The following PDE12 variants were observed in gnomAD, a reference collection of about 807,000 sequenced individuals.
PDE12 encodes 2',5'-phosphodiesterase 12.
A neutral mutation model predicts 45.4 loss-of-function variants in PDE12; 26 were observed. The ratio of observed to expected loss-of-function variants is 0.57; its 90% CI spans 0.42 to 0.79. PDE12 has a LOEUF of 0.79. PDE12 is among the 30% of genes least tolerant of loss of function. The pLI is 0.00. For synonymous variants in PDE12, 283 were observed against 323.9 expected, an observed-to-expected ratio of 0.87 and a Z score of 1.36; for missense variants, 668 against 790.0, an observed-to-expected ratio of 0.85 and a Z score of 1.85.
the PDE12 span, among the ~76,000 whole-genome samples, chr3:57,580,774 CTTT>C: frequency 7.1e-6 from 1 of 140,740 alleles, no homozygotes. Context: ...CATTTTTATT[CTTT>C]TTTTTTTTTT....
chr3:57,579,211 G>A, the PDE12 span, among the ~76,000 whole-genome samples: 5 of 112,522 alleles, frequency 4.4e-5, no homozygotes, highest in East Asian at 6.2e-4. Context: ...CCGAGATGGC[G>A]CCATTGCACT....
At chr3:57,638,066 G>A in the PDE12 span, among the ~76,000 whole-genome samples, 3 of 151,840 alleles carry the variant, frequency 2.0e-5, no homozygotes, top group East Asian at 1.9e-4. Flanking sequence ...CCCAGGAGGC[G>A]AAGGTTGCAG....
chr3:57,620,728 T>C, the PDE12 span, among the ~76,000 whole-genome samples: 2 of 152,170 alleles, frequency 1.3e-5, no homozygotes, highest in Admixed American at 1.3e-4. Context: ...AAAAATATCA[T>C]TTGCAACATC....
At chr3:57,600,437 CCCTT>C in the PDE12 span, among the ~76,000 whole-genome samples, 1 of 148,978 alleles carries the variant, frequency 6.7e-6, no homozygotes, top group African/African-American at 2.5e-5. Flanking sequence ...CTTTTCCCCT[CCCTT>C]CCCCCTTCTG....
the PDE12 span, among the ~76,000 whole-genome samples, chr3:57,635,110 C>T: frequency 3.9e-5 from 6 of 152,076 alleles, no homozygotes; most frequent in Non-Finnish European, 8.8e-5. Flanking sequence ...AATTTAGATG[C>T]TGAATAGGAA....
the PDE12 span, chr3:57,577,261 G>A: frequency 6.9e-7 from 1 of 1,444,912 alleles, no homozygotes; most frequent in Non-Finnish European, 9.7e-7. Flanking sequence ...ACCACCACCA[G>A]TTTAATCCAG....
the PDE12 span, chr3:57,597,481 CG>C: frequency 5.0e-6 from 1 of 199,656 alleles, no homozygotes; most frequent in Non-Finnish European, 1.0e-5. Context: ...CCTGCGCTTC[CG>C]GTGCGCCCGA....
chr3:57,556,843 A>G lies in PDE12; in HGVS notation c.464A>G (p.Tyr155Cys). 1 of 1,614,030 alleles carries G rather than the reference A, an allele frequency of 6.2e-7. No individual in the cohort carries two copies. Among genetic ancestry groups the G allele is most frequent in the South Asian group, 1.1e-5 (1 of 91,088 alleles). The change falls in exon 1 of 3, where the codon TAC (tyrosine) becomes TGC (cysteine). Residue 155 changes from tyrosine to cysteine, a missense_variant. Coordinates refer to ENST00000311180, the MANE Select transcript of PDE12 (RefSeq NM_177966.7). This position sits in a 1 kb window ranked among gnomAD's most constrained non-coding sequence, Gnocchi z 5.0. ...GAVLQIGDVK[Y>C]KVERNPPAFT... ...GTGCTGCAGATCGGCGATGTTAAGT[A>G]CAAGGTGGAGCGCAACCCGCCCGCC... is the stretch of plus-strand genomic sequence containing the variant.
the PDE12 span, among the ~76,000 whole-genome samples, chr3:57,612,767 C>A: frequency 2.7e-5 from 3 of 110,578 alleles, no homozygotes; most frequent in African/African-American, 3.1e-5. Flanking sequence ...GAGAGTCCAC[C>A]TCAAAAAAAA....
the PDE12 span, chr3:57,631,311 C>CT: frequency 1.1e-3 from 226 of 199,908 alleles, no homozygotes; most frequent in African/African-American, 5.1e-3. Flanking sequence ...ATTCTCCCGC[C>CT]TCAGTCTCCC....
chr3:57,587,599 A>C, the PDE12 span, among the ~76,000 whole-genome samples: 2 of 152,064 alleles, frequency 1.3e-5, no homozygotes, highest in African/African-American at 4.8e-5. Flanking sequence ...TTTTTTAATT[A>C]AAATGTTGGG....
chr3:57,570,045 C>G (rs2069822239), downstream of PDE12, among the ~76,000 whole-genome samples: 1 of 151,882 alleles, frequency 6.6e-6, no homozygotes, highest in Admixed American at 6.6e-5. Flanking sequence ...AACAATTATA[C>G]TATAGTTCAG....
the PDE12 span, among the ~76,000 whole-genome samples, chr3:57,582,759 A>AC: frequency 7.2e-6 from 1 of 139,444 alleles, no homozygotes; most frequent in Non-Finnish European, 1.6e-5. Flanking sequence ...AAAATTATTA[A>AC]GTAATAAAAA....
At chr3:57,592,566 AACT>A in the PDE12 span, among the ~76,000 whole-genome samples, 1 of 152,166 alleles carries the variant, frequency 6.6e-6, no homozygotes, top group South Asian at 2.1e-4. Flanking sequence ...GAAAAATGTG[AACT>A]TAGGTTCTGC....
the PDE12 span, among the ~76,000 whole-genome samples, chr3:57,581,456 A>C: frequency 6.6e-6 from 1 of 152,220 alleles, no homozygotes; most frequent in Non-Finnish European, 1.5e-5. Flanking sequence ...CCCTTGGTCA[A>C]GAATTATTAG....
At chr3:57,600,031 CATTT>C in the PDE12 span, 6 of 151,556 alleles carry the variant, frequency 4.0e-5, no homozygotes, top group South Asian at 2.1e-4. Context: ...TACCTTCTTA[CATTT>C]ATTTATTTAT....
chr3:57,641,331 TA>T, the PDE12 span, among the ~76,000 whole-genome samples: 582 of 144,830 alleles, frequency 4.0e-3, 1 homozygote, highest in Non-Finnish European at 6.3e-3. Flanking sequence ...TATATTATAT[TA>T]AAATATATAT....
At chr3:57,653,252 C>T in the PDE12 span, among the ~76,000 whole-genome samples, 3 of 152,030 alleles carry the variant, frequency 2.0e-5, no homozygotes, top group Non-Finnish European at 2.9e-5. Context: ...TTTAAGGCAC[C>T]AAGTTGCAAA....
the PDE12 span, among the ~76,000 whole-genome samples, chr3:57,601,108 C>A: frequency 6.6e-6 from 1 of 151,388 alleles, no homozygotes; most frequent in African/African-American, 2.4e-5. Context: ...GTATGTTTTC[C>A]TCATCTCTGG....
Sources: gnomAD v4.1 joint callset for allele counts (sites outside exome capture counted in the v4.1 genomes callset) on GRCh38, gnomAD v4.1.1 for gene constraint, Gnocchi (gnomAD v3.1) non-coding constraint, MANE v1.5 for transcripts, NCBI Gene and HGNC (gene_info 2026-07-23, HGNC 2026-07-21) for gene names.